The following FARP1 variants were observed in gnomAD, a reference collection of about 807,000 sequenced individuals.
The protein encoded by FARP1 is FERM, ARHGEF and pleckstrin domain-containing protein 1.
Under a neutral mutation model 128.8 loss-of-function variants are expected in FARP1, and 52 were observed. That is an observed-to-expected ratio of 0.40 (90% CI 0.32 to 0.51). FARP1 has a LOEUF of 0.51. FARP1 is among the 20% of genes least tolerant of loss of function. The pLI, the probability that FARP1 is intolerant of heterozygous loss-of-function variation, is 0.45. For missense variants in FARP1, 1,333 were observed against 1,367.9 expected (o/e 0.97, Z 0.40); for synonymous variants, 580 against 551.8 (o/e 1.05, Z -0.72).
In FARP1 at chr13:98,393,790, A is replaced by C. The variant is rs530296571; in HGVS notation, c.1164+72A>C. 1.4e-5 allele frequency: 17 copies of C among 1,174,622 alleles called. No individual in the cohort carries two copies. In the Admixed American group the frequency reaches 2.6e-4, roughly 18 times the overall value. 72.8% of individuals were successfully genotyped at this position (1,174,622 alleles called of 1,614,324 possible). Reference sequence around the variant, plus strand: ...TCCTCCACGGAGCCCTGGGCTTCAGAGCGGGCTTTCTTGTTCTCTGTCCTT... The same window carrying C: ...TCCTCCACGGAGCCCTGGGCTTCAGCGCGGGCTTTCTTGTTCTCTGTCCTT... On this transcript the variant is annotated intron_variant, in intron 12 of 26. Transcript: ENST00000319562.
chr13:98,371,265 G>A (rs9556942), intron 5 of FARP1, among the ~76,000 whole-genome samples: 24,614 of 107,284 alleles, frequency 0.23, 2,212 homozygotes, highest in East Asian at 0.41. Flanking sequence ...CAATAGTTTT[G>A]CACCTTTTCA....
intron 2 of FARP1, among the ~76,000 whole-genome samples, chr13:98,318,068 CTTTTTT>C (rs35762706): frequency 9.6e-5 from 10 of 104,206 alleles, no homozygotes; most frequent in East Asian, 3.0e-4. Context: ...TCTCCTCCTC[CTTTTTT>C]TTTTTTTTTT....
At chr13:98,251,311 C>T (rs1883310913) in intron 2 of FARP1, among the ~76,000 whole-genome samples, 2 of 152,154 alleles carry the variant, frequency 1.3e-5, no homozygotes, top group Non-Finnish European at 2.9e-5. Context: ...GCCTCCTTGT[C>T]TAGGATTCTA....
intron 19 of FARP1, among the ~76,000 whole-genome samples, chr13:98,437,379 T>C (rs1467453014): frequency 6.6e-6 from 1 of 152,136 alleles, no homozygotes; most frequent in Non-Finnish European, 1.5e-5. Flanking sequence ...CTGAGGCTGG[T>C]GGTGCAGGCG....
intron 2 of FARP1, among the ~76,000 whole-genome samples, chr13:98,264,421 G>T (rs1267052298): frequency 6.6e-6 from 1 of 152,172 alleles, no homozygotes; most frequent in Non-Finnish European, 1.5e-5. Flanking sequence ...CTTTTGTCCA[G>T]TGGATCCATG....
chr13:98,172,971 T>C (rs1877756679), intron 1 of FARP1, among the ~76,000 whole-genome samples: 1 of 152,202 alleles, frequency 6.6e-6, no homozygotes, highest in Non-Finnish European at 1.5e-5. Flanking sequence ...TAGTGTGGTA[T>C]AATCACATTT....
rs369851754 is a variant in FARP1, at chr13:98,213,309, A to G, written c.67A>G (p.Ser23Gly). 4.3e-6 allele frequency: 7 copies of G among 1,614,082 alleles called. No homozygotes were observed. In the African/African-American group the frequency reaches 5.3e-5, roughly 12 times the overall value. ...RLGAPENSGI[S>G]TLERGQKPPP... ...GGGGGCCCCGGAAAATTCGGGGATC[A>G]GTACCTTGGAACGTGGACAGAAGCC... The change falls in exon 2 of 27, where the codon AGT becomes GGT. Residue 23 changes from serine to glycine, a missense_variant. Ser to Gly is a moderately conservative substitution (Grantham distance 56). Coordinates refer to ENST00000319562, the MANE Select transcript of FARP1 (RefSeq NM_005766.4).
chr13:98,417,011 G>A (rs556900417), intron 16 of FARP1, among the ~76,000 whole-genome samples: 1 of 152,310 alleles, frequency 6.6e-6, no homozygotes, highest in South Asian at 2.1e-4. Flanking sequence ...CTGACTGAAT[G>A]TCGAGATATC....
chr13:98,271,003 G>A (rs1243669325), intron 2 of FARP1, among the ~76,000 whole-genome samples: 1 of 152,112 alleles, frequency 6.6e-6, no homozygotes, highest in Non-Finnish European at 1.5e-5. Flanking sequence ...AAGACGAGGC[G>A]AATTGCAGTT....
chr13:98,297,051 T>A (rs1885728235), intron 2 of FARP1, among the ~76,000 whole-genome samples: 1 of 152,226 alleles, frequency 6.6e-6, no homozygotes, highest in Admixed American at 6.5e-5. Flanking sequence ...TATATCACCT[T>A]TCTGTAATCT....
chr13:98,314,423 G>T (rs1886633834), intron 2 of FARP1, among the ~76,000 whole-genome samples: 1 of 151,802 alleles, frequency 6.6e-6, no homozygotes, highest in Non-Finnish European at 1.5e-5. Flanking sequence ...GGGACTACAG[G>T]CGTGTGCCAC....
intron 24 of FARP1, 121 bp from the exon 25 acceptor site, chr13:98,445,977 G>A (rs1275909478): frequency 4.6e-6 from 3 of 656,972 alleles, no homozygotes; most frequent in Non-Finnish European, 8.1e-6. Flanking sequence ...CGGGGGTGGG[G>A]CCCACATCCT....
At chr13:98,308,720 G>A (rs1358931396) in intron 2 of FARP1, among the ~76,000 whole-genome samples, 1 of 152,196 alleles carries the variant, frequency 6.6e-6, no homozygotes, top group East Asian at 1.9e-4. Flanking sequence ...CCAGGCTGGA[G>A]TGCAGAGGCG....
At chr13:98,446,444 C>G in intron 25 of FARP1, 1 of 605,514 alleles carries the variant, frequency 1.7e-6, no homozygotes. Context: ...TCTGCCTGGA[C>G]AAGGGACGGG....
At chr13:98,145,275 C>G (rs567455810) in intron 1 of FARP1, among the ~76,000 whole-genome samples, 1 of 152,146 alleles carries the variant, frequency 6.6e-6, no homozygotes, top group Non-Finnish European at 1.5e-5. Flanking sequence ...CCACCCCGCC[C>G]CCGTTACTTG....
chr13:98,421,921 A>G (rs1201360222), intron 16 of FARP1, among the ~76,000 whole-genome samples: 1 of 152,178 alleles, frequency 6.6e-6, no homozygotes, highest in African/African-American at 2.4e-5. Context: ...AAGATCCTAA[A>G]ATCTGGAACA....
rs1280563089 is a variant in FARP1, at chr13:98,449,067, G to C, written c.*750G>C. On this transcript the variant is annotated 3_prime_UTR_variant, in exon 27 of 27. Transcript: ENST00000319562. ...CTGGACTGTCACCGTCCTGTGAGTG[G>C]TGTACACAATGGGAAGATAATAAGC... 2 of 152,192 alleles carry C rather than the reference G, an allele frequency of 1.3e-5. No individual in the cohort carries two copies. The highest frequency in any genetic ancestry group is 4.8e-5 in the African/African-American group (2 of 41,422). 9.4% of individuals were successfully genotyped at this position (152,192 alleles called of 1,614,324 possible).
chr13:98,213,479 C>G (rs1880860512), intron 2 of FARP1, 66 bp downstream of exon 2: 3 of 1,511,174 alleles, frequency 2.0e-6, no homozygotes, highest in African/African-American at 1.4e-5. Flanking sequence ...TGAGGAGGTT[C>G]GGCTCATTCC....
chr13:98,395,413 G>A lies in FARP1; in HGVS notation c.1351G>A (p.Glu451Lys). 6.2e-7 allele frequency: 1 copy of A among 1,611,358 alleles called. No individual in the cohort carries two copies. Among genetic ancestry groups the A allele is most frequent in the Non-Finnish European group, 8.5e-7 (1 of 1,178,736 alleles). ...DGAASAPTEE[E>K]EEVVKDRTQQ... Reference sequence around the variant, plus strand: ...AGCCGCCTCGGCGCCCACGGAGGAAGAGGAGGAGGTCGTTAAGGATAGGAC... The same window carrying A: ...AGCCGCCTCGGCGCCCACGGAGGAAAAGGAGGAGGTCGTTAAGGATAGGAC... Residue 451 changes from glutamate (E) to lysine (K), a missense_variant, in exon 13 of 27, where the codon GAG becomes AAG. This residue lies in a region of FARP1 where 1,009 missense variants were observed against 969.8 expected (regional missense o/e 1.04). Transcript: ENST00000319562.
Sources: allele counts gnomAD v4.1 joint callset (sites outside exome capture counted in the v4.1 genomes callset), GRCh38; gene constraint gnomAD v4.1.1; regional missense constraint gnomAD v4.1.1; transcripts MANE v1.5; gene names NCBI Gene and HGNC (gene_info 2026-07-23, HGNC 2026-07-21).